TCF20: variants seen among roughly 807,000 people sequenced by gnomAD.
TCF20 encodes SPRE-binding protein.
TCF20 carries 3 observed loss-of-function variants against 148.6 expected under a neutral mutation model. That is an observed-to-expected ratio of 0.02 (90% confidence interval 0.01 to 0.05). The LOEUF is 0.05. TCF20 is among the 10% of genes least tolerant of loss of function. The probability of loss-of-function intolerance (pLI) is 1.00; values close to 1 mark genes in which losing one functional copy is unlikely to be tolerated. For missense variants in TCF20, 2,350 were observed against 2,429.3 expected, an observed-to-expected ratio of 0.97 and a Z score of 0.69; for synonymous variants, 1,049 against 909.5, an observed-to-expected ratio of 1.15 and a Z score of -2.76.
At chr22:42,245,279 T>C (rs936674666) in intron 1 of TCF20, among the ~76,000 whole-genome samples, 2 of 152,010 alleles carry the variant, frequency 1.3e-5, no homozygotes, top group African/African-American at 4.8e-5. Context: ...AGACGAGGTC[T>C]CACTATGCTG....
intron 3 of TCF20, among the ~76,000 whole-genome samples, chr22:42,174,026 AG>A (rs1936292232): frequency 6.6e-6 from 1 of 152,154 alleles, no homozygotes; most frequent in Non-Finnish European, 1.5e-5. Context: ...GCTAATAATG[AG>A]GGTCCTGCGC....
intron 1 of TCF20, among the ~76,000 whole-genome samples, chr22:42,266,276 T>C (rs137983739): frequency 7.2e-4 from 109 of 152,216 alleles, no homozygotes; most frequent in African/African-American, 2.6e-3. Context: ...AGGTCATCTA[T>C]CTCTAAGGTC....
At chr22:42,242,202 CAAAAAAAAAAA>C (rs151190006) in intron 1 of TCF20, among the ~76,000 whole-genome samples, 1 of 59,802 alleles carries the variant, frequency 1.7e-5, no homozygotes, top group Non-Finnish European at 2.8e-5. Context: ...GACTTCGCCT[CAAAAAAAAAAA>C]AAAAAAAAAA....
At chr22:42,231,928 C>CAA (rs55642530) in intron 1 of TCF20, among the ~76,000 whole-genome samples, 103 of 123,280 alleles carry the variant, frequency 8.4e-4, no homozygotes, top group African/African-American at 3.1e-3. Context: ...GACTCCGTCT[C>CAA]AAAAAAAAAA....
At chr22:42,307,410 G>A (rs886485307) in intron 1 of TCF20, among the ~76,000 whole-genome samples, 4 of 152,296 alleles carry the variant, frequency 2.6e-5, no homozygotes, top group South Asian at 4.1e-4. Context: ...CCCCTGCCCC[G>A]CCTACTCTGA....
intron 1 of TCF20, among the ~76,000 whole-genome samples, chr22:42,275,938 G>A (rs1926768493): frequency 6.6e-6 from 1 of 152,178 alleles, no homozygotes; most frequent in African/African-American, 2.4e-5. Flanking sequence ...TCATTTTGCA[G>A]ATGAGGAAAC....
chr22:42,326,843 C>T (rs999575759), intron 1 of TCF20, among the ~76,000 whole-genome samples: 19 of 152,246 alleles, frequency 1.2e-4, no homozygotes, highest in Non-Finnish European at 2.6e-4. Flanking sequence ...TTGCCCGATG[C>T]CACACAGCCA....
chr22:42,212,469 T>C lies in TCF20; in HGVS notation c.2837A>G (p.Lys946Arg). ...AGGAGGATGGCAGTGGTCTCCAGAT[T>C]TCTTGTTGTTGAAACTAGCTTGAGA... is the stretch of plus-strand genomic sequence containing the variant. ...SKSQASFNNK[K>R]SGDHCHPPSI... The change falls in exon 2 of 6, where the codon AAA (lysine) becomes AGA (arginine). Residue 946 changes from lysine (K) to arginine (R), a missense_variant. Coordinates refer to ENST00000677622, the MANE Select transcript of TCF20 (RefSeq NM_001378418.1). 2 of 1,614,172 alleles carry C rather than the reference T, an allele frequency of 1.2e-6. No individual in the cohort carries two copies. The highest frequency in any genetic ancestry group is 1.7e-6 in the Non-Finnish European group (2 of 1,180,036).
chr22:42,239,972 C>T (rs1924250310), intron 1 of TCF20, among the ~76,000 whole-genome samples: 1 of 152,078 alleles, frequency 6.6e-6, no homozygotes, highest in Non-Finnish European at 1.5e-5. Flanking sequence ...CCCACAATAT[C>T]TGTGAAGTAC....
At chr22:42,273,288 A>T (rs2147008173), upstream of TCF20, among the ~76,000 whole-genome samples, 1 of 142,918 alleles carries the variant, frequency 7.0e-6, no homozygotes, top group Admixed American at 7.4e-5. Flanking sequence ...TGAACCCTGG[A>T]GGCAAAGGTT....
At chr22:42,221,662 G>A (rs1265468932) in intron 1 of TCF20, among the ~76,000 whole-genome samples, 2 of 151,710 alleles carry the variant, frequency 1.3e-5, no homozygotes, top group Non-Finnish European at 2.9e-5. Context: ...ATACTATGAA[G>A]AGAGTTGCAG....
intron 1 of TCF20, among the ~76,000 whole-genome samples, chr22:42,229,411 C>A (rs1226044321): frequency 6.6e-6 from 1 of 152,136 alleles, no homozygotes; most frequent in Non-Finnish European, 1.5e-5. Flanking sequence ...CCATAAACAG[C>A]AAATATCCAA....
intron 1 of TCF20, among the ~76,000 whole-genome samples, chr22:42,316,328 G>A (rs530027082): frequency 6.6e-6 from 1 of 152,044 alleles, no homozygotes; most frequent in South Asian, 2.1e-4. Context: ...GCTCCCAAAC[G>A]CTGACCCTGT....
intron 2 of TCF20, among the ~76,000 whole-genome samples, chr22:42,205,503 T>C (rs2147179214): frequency 6.6e-6 from 1 of 152,318 alleles, no homozygotes; most frequent in East Asian, 1.9e-4. Context: ...TGACTTTATC[T>C]TACATGATAG....
chr22:42,304,546 G>A (rs538380945), intron 1 of TCF20, among the ~76,000 whole-genome samples: 2 of 152,178 alleles, frequency 1.3e-5, no homozygotes, highest in Non-Finnish European at 2.9e-5. Context: ...GCACTGCCGC[G>A]CAGAGATCCC....
intron 2 of TCF20, among the ~76,000 whole-genome samples, chr22:42,194,155 C>T (rs1937479079): frequency 6.6e-6 from 1 of 152,168 alleles, no homozygotes; most frequent in Non-Finnish European, 1.5e-5. Context: ...GGATCATTTC[C>T]TGGGGTTCTC....
At chr22:42,182,604 G>A (rs1470880366) in intron 2 of TCF20, among the ~76,000 whole-genome samples, 3 of 152,220 alleles carry the variant, frequency 2.0e-5, no homozygotes, top group Non-Finnish European at 4.4e-5. Context: ...ATCCAAAGGG[G>A]AAAGACTCTC....
At chr22:42,291,373 C>T (rs1465105593) in intron 1 of TCF20, among the ~76,000 whole-genome samples, 1 of 152,178 alleles carries the variant, frequency 6.6e-6, no homozygotes, top group East Asian at 1.9e-4. Context: ...GAGGAGAGGG[C>T]AGTGTGTGGA....
intron 1 of TCF20, among the ~76,000 whole-genome samples, chr22:42,336,218 T>G (rs961938346): frequency 6.6e-6 from 1 of 152,088 alleles, no homozygotes; most frequent in East Asian, 1.9e-4. Flanking sequence ...ACTGGGTGTG[T>G]CCAGGGCAGC....
Sources: allele counts gnomAD v4.1 joint callset (sites outside exome capture counted in the v4.1 genomes callset), GRCh38; gene constraint gnomAD v4.1.1; transcripts MANE v1.5; gene names NCBI Gene and HGNC (gene_info 2026-07-23, HGNC 2026-07-21).